RGPD2: variants seen among roughly 807,000 people sequenced by gnomAD.
RGPD2 encodes RANBP2 like and GRIP domain containing 2, also known as RANBP2-like and GRIP domain-containing protein 2.
Under a neutral mutation model 36.0 loss-of-function variants are expected in RGPD2, and 2 were observed. The observed-to-expected ratio is 0.06, with a 90% CI of 0.02 to 0.17. The LOEUF (loss-of-function observed/expected upper bound fraction) is 0.17. RGPD2 is among the 10% of genes least tolerant of loss of function. The pLI, the probability that RGPD2 is intolerant of heterozygous loss-of-function variation, is 1.00. For missense variants in RGPD2, 40 were observed against 464.3 expected, an observed-to-expected ratio of 0.09 and a Z score of 8.40; for synonymous variants, 19 against 163.8, an observed-to-expected ratio of 0.12 and a Z score of 6.75.
At chr2:87,868,647 T>C in the RGPD2 span, among the ~76,000 whole-genome samples, 1 of 152,132 alleles carries the variant, frequency 6.6e-6, no homozygotes, top group African/African-American at 2.4e-5. Flanking sequence ...CAAGTTACAA[T>C]GCCCCATTGG....
the RGPD2 span, among the ~76,000 whole-genome samples, chr2:87,962,422 A>G: frequency 1.3e-5 from 2 of 151,426 alleles, no homozygotes; most frequent in Non-Finnish European, 3.0e-5. Context: ...TTGCCTTTCT[A>G]AAAAAGGAAA....
chr2:87,863,810 T>C, the RGPD2 span, among the ~76,000 whole-genome samples: 1 of 152,348 alleles, frequency 6.6e-6, no homozygotes, highest in East Asian at 1.9e-4. Flanking sequence ...GACTTTATAT[T>C]AGTATTTAAA....
chr2:87,842,866 T>G, the RGPD2 span, among the ~76,000 whole-genome samples: 1 of 146,802 alleles, frequency 6.8e-6, no homozygotes, highest in Admixed American at 6.8e-5. Flanking sequence ...AACAGAGATA[T>G]AGATCAATGG....
chr2:87,894,238 T>C, the RGPD2 span, among the ~76,000 whole-genome samples: 2 of 152,078 alleles, frequency 1.3e-5, no homozygotes, highest in African/African-American at 4.8e-5. Context: ...ACATCATTCA[T>C]CAGTTTCTTG....
the RGPD2 span, among the ~76,000 whole-genome samples, chr2:87,910,600 T>C: frequency 6.6e-6 from 1 of 152,226 alleles, no homozygotes; most frequent in Non-Finnish European, 1.5e-5. Flanking sequence ...TCTCATTCTC[T>C]GTATCCACTG....
At chr2:87,972,113 A>G in the RGPD2 span, among the ~76,000 whole-genome samples, 1 of 152,210 alleles carries the variant, frequency 6.6e-6, no homozygotes, top group Non-Finnish European at 1.5e-5. Flanking sequence ...AAAGAAATAT[A>G]TCTACCAGAA....
chr2:87,974,685 A>G, the RGPD2 span, among the ~76,000 whole-genome samples: 7 of 152,286 alleles, frequency 4.6e-5, no homozygotes, highest in East Asian at 1.2e-3. Flanking sequence ...CTCATTGCCA[A>G]TGCCTTTGGT....
the RGPD2 span, among the ~76,000 whole-genome samples, chr2:87,918,430 T>C: frequency 2.6e-5 from 4 of 151,492 alleles, no homozygotes; most frequent in Admixed American, 6.6e-5. Flanking sequence ...GAATATCAAC[T>C]TAAAGATTTC....
At chr2:87,930,858 G>A in the RGPD2 span, among the ~76,000 whole-genome samples, 14 of 145,898 alleles carry the variant, frequency 9.6e-5, no homozygotes, top group Non-Finnish European at 1.1e-4. Flanking sequence ...TAGTTTATAA[G>A]TATAGAGGTG....
At chr2:87,915,373 A>T in the RGPD2 span, among the ~76,000 whole-genome samples, 1 of 126,042 alleles carries the variant, frequency 7.9e-6, no homozygotes, top group African/African-American at 2.9e-5. Flanking sequence ...ATATATGTAT[A>T]TTATATATAT....
the RGPD2 span, among the ~76,000 whole-genome samples, chr2:87,927,130 A>C: frequency 1.6e-5 from 2 of 127,114 alleles, no homozygotes; most frequent in African/African-American, 6.0e-5. Flanking sequence ...TGTGATTGTC[A>C]TAAAACTGAA....
At chr2:87,978,379 C>T in the RGPD2 span, among the ~76,000 whole-genome samples, 1 of 62,176 alleles carries the variant, frequency 1.6e-5, no homozygotes, top group Non-Finnish European at 3.2e-5. Flanking sequence ...CCTCCAACCT[C>T]AGCCTCCAAG....
chr2:87,968,678 C>T, the RGPD2 span: 1 of 217,924 alleles, frequency 4.6e-6, no homozygotes, highest in Admixed American at 5.7e-5. Flanking sequence ...TAGGACATGT[C>T]TTCGGAAACC....
At chr2:87,905,221 T>C in the RGPD2 span, among the ~76,000 whole-genome samples, 38 of 152,336 alleles carry the variant, frequency 2.5e-4, no homozygotes, top group African/African-American at 8.7e-4. Flanking sequence ...CGCATTTCAG[T>C]GTGCGCTGTC....
chr2:87,852,981 G>A, the RGPD2 span, among the ~76,000 whole-genome samples: 1 of 152,256 alleles, frequency 6.6e-6, no homozygotes, highest in East Asian at 1.9e-4. Flanking sequence ...TTTGTTCACT[G>A]CTGTATTACA....
chr2:87,936,352 T>G, the RGPD2 span, among the ~76,000 whole-genome samples: 1 of 149,590 alleles, frequency 6.7e-6, no homozygotes, highest in Non-Finnish European at 1.5e-5. Flanking sequence ...CTTTAAGAGG[T>G]AATCATGGTA....
the RGPD2 span, among the ~76,000 whole-genome samples, chr2:87,929,445 G>A: frequency 1.5e-5 from 2 of 134,974 alleles, no homozygotes; most frequent in Non-Finnish European, 3.2e-5. Flanking sequence ...TTTGAAGTTG[G>A]GTAGTGTGAT....
chr2:87,984,680 C>T, the RGPD2 span, among the ~76,000 whole-genome samples: 302 of 146,314 alleles, frequency 2.1e-3, no homozygotes, highest in Middle Eastern at 6.9e-3. Context: ...CCTGTAATCC[C>T]AGCACTTTGG....
At chr2:87,842,634 C>T in the RGPD2 span, among the ~76,000 whole-genome samples, 1 of 149,210 alleles carries the variant, frequency 6.7e-6, no homozygotes, top group East Asian at 2.0e-4. Flanking sequence ...GGCCATACTG[C>T]CCAAGGTAAT....
Sources: allele counts gnomAD v4.1 joint callset (sites outside exome capture counted in the v4.1 genomes callset), GRCh38; gene constraint gnomAD v4.1.1; transcripts MANE v1.5; gene names NCBI Gene and HGNC (gene_info 2026-07-23, HGNC 2026-07-21).